VSNL1: variants seen among roughly 807,000 people sequenced by gnomAD.
VSNL1 encodes the protein visinin like 1, also known as visinin-like protein 1.
In VSNL1, 6 loss-of-function variants were observed where a neutral mutation model predicts 20.4. The observed-to-expected ratio is 0.29, with a 90% CI of 0.16 to 0.58. The LOEUF is 0.58. Ranked by LOEUF, VSNL1 falls within the 20% of genes least tolerant of loss-of-function variation. The pLI, the probability that VSNL1 is intolerant of heterozygous loss-of-function variation, is 0.90. For missense variants in VSNL1, 100 were observed against 234.5 expected, an observed-to-expected ratio of 0.43 and a Z score of 3.75; for synonymous variants, 93 against 86.4, an observed-to-expected ratio of 1.08 and a Z score of -0.42.
At position 17,649,159 on chromosome 2, in the gene VSNL1, C is replaced by T. The variant is rs554620509; in HGVS notation, c.163-251C>T. Among the ~76,000 whole-genome samples, 2 of 152,244 alleles carry T rather than the reference C, an allele frequency of 1.3e-5. No individual in the cohort carries two copies. Among genetic ancestry groups the T allele is most frequent in the East Asian group, 3.9e-4 (2 of 5,162 alleles). On this transcript the variant is annotated intron_variant, in intron 2 of 3. Transcript: ENST00000295156. This position sits in a 1 kb window ranked among gnomAD's most constrained non-coding sequence, Gnocchi z 6.4. ...GGTGCTTGTTGACCGATTCCAAGCC[C>T]CATCAACTGAAAGCCACATGTCACC...
At chr2:17,645,668 G>A (rs1374602281) in intron 2 of VSNL1, among the ~76,000 whole-genome samples, 1 of 152,164 alleles carries the variant, frequency 6.6e-6, no homozygotes, top group Non-Finnish European at 1.5e-5. Flanking sequence ...TGAAAAGAAA[G>A]AAATGCAGAG....
At chr2:17,577,125 A>C (rs1664232614) in intron 1 of VSNL1, among the ~76,000 whole-genome samples, 1 of 152,236 alleles carries the variant, frequency 6.6e-6, no homozygotes, top group Admixed American at 6.5e-5. Context: ...AAATATATCT[A>C]AACATGGAAA....
chr2:17,576,359 A>C (rs1664213879), intron 1 of VSNL1, among the ~76,000 whole-genome samples: 1 of 152,250 alleles, frequency 6.6e-6, no homozygotes, highest in Non-Finnish European at 1.5e-5. Context: ...TATTAAAATG[A>C]AAATGCAATA....
chr2:17,579,283 T>C (rs1470595935), intron 1 of VSNL1, among the ~76,000 whole-genome samples: 1 of 152,062 alleles, frequency 6.6e-6, no homozygotes, highest in African/African-American at 2.4e-5. Context: ...GCCCGGCTAA[T>C]TTTTTGTGTT....
intron 2 of VSNL1, among the ~76,000 whole-genome samples, chr2:17,622,832 C>T (rs1003389150): frequency 2.0e-5 from 3 of 152,186 alleles, no homozygotes; most frequent in Non-Finnish European, 4.4e-5. Flanking sequence ...CCCAGGTCCC[C>T]ACACAGGAAC....
At chr2:17,605,394 T>C (rs1440110379) in intron 2 of VSNL1, among the ~76,000 whole-genome samples, 3 of 135,740 alleles carry the variant, frequency 2.2e-5, no homozygotes, top group Non-Finnish European at 3.4e-5. Context: ...CACCACTGCT[T>C]CTATGTGAAA....
At position 17,649,330 on chromosome 2, in the gene VSNL1, G is replaced by A. The variant is rs953032220; in HGVS notation, c.163-80G>A. The A allele has an allele frequency of 1.6e-5, 23 of 1,406,200 alleles. No homozygotes were observed. The highest frequency in any genetic ancestry group is 1.8e-4 in the Middle Eastern group (1 of 5,492). The allele number at this position is 1,406,200 out of a possible 1,614,324, so 87.1% of individuals were successfully genotyped here. A position where few individuals can be genotyped will look rare whatever the true frequency, so the allele number is the denominator to read the frequency against. Reference sequence around the variant, plus strand: ...TCCGACAACGCCCAGGAGCACCTGTGATGCCGTCATTAGGAACCTACCTCG... The same window carrying A: ...TCCGACAACGCCCAGGAGCACCTGTAATGCCGTCATTAGGAACCTACCTCG... On this transcript the variant is annotated intron_variant, in intron 2 of 3. Coordinates refer to ENST00000295156, the MANE Select transcript of VSNL1 (RefSeq NM_003385.5). The surrounding 1 kb of genome is among the most constrained non-coding windows in gnomAD (Gnocchi z 6.4).
chr2:17,592,264 T>C, intron 2 of VSNL1, 28 bp downstream of exon 2: 1 of 1,611,176 alleles, frequency 6.2e-7, no homozygotes, highest in Non-Finnish European at 8.5e-7. Flanking sequence ...CTTGTTTTTA[T>C]TCCTTAGGCC....
intron 1 of VSNL1, among the ~76,000 whole-genome samples, chr2:17,579,138 C>G (rs1447934631): frequency 6.6e-6 from 1 of 150,826 alleles, no homozygotes; most frequent in Non-Finnish European, 1.5e-5. Flanking sequence ...TTTTTTGAGA[C>G]GGAGTCTCGC....
At chr2:17,622,609 G>T (rs959079831) in intron 2 of VSNL1, among the ~76,000 whole-genome samples, 1 of 138,484 alleles carries the variant, frequency 7.2e-6, no homozygotes. Context: ...AGAAAAGAAA[G>T]AAAGATCTTC....
intron 2 of VSNL1, among the ~76,000 whole-genome samples, chr2:17,610,449 T>A (rs1294164183): frequency 1.3e-5 from 2 of 152,008 alleles, no homozygotes; most frequent in Non-Finnish European, 2.9e-5. Context: ...TCAAGCCATA[T>A]CTGAATATAG....
At chr2:17,566,938 G>C (rs1184605013) in intron 1 of VSNL1, among the ~76,000 whole-genome samples, 2 of 152,064 alleles carry the variant, frequency 1.3e-5, no homozygotes, top group Non-Finnish European at 2.9e-5. Flanking sequence ...CAAATGTTTA[G>C]CTCTCTGTTC....
intron 2 of VSNL1, among the ~76,000 whole-genome samples, chr2:17,600,326 G>A (rs1042514951): frequency 1.3e-5 from 2 of 152,162 alleles, no homozygotes; most frequent in African/African-American, 4.8e-5. Flanking sequence ...AGGGTGGTGA[G>A]AGCAAAAGTG....
intron 1 of VSNL1, among the ~76,000 whole-genome samples, chr2:17,557,735 A>T (rs1663720106): frequency 6.6e-6 from 1 of 152,152 alleles, no homozygotes; most frequent in Non-Finnish European, 1.5e-5. Flanking sequence ...TTCCTCACTC[A>T]CAAGGCTCCA....
intron 3 of VSNL1, among the ~76,000 whole-genome samples, chr2:17,652,267 T>A (rs1373912997): frequency 6.6e-6 from 1 of 151,878 alleles, no homozygotes; most frequent in Non-Finnish European, 1.5e-5. Flanking sequence ...TGAGGCACAA[T>A]CAGTAAAGGA....
rs574345412 is a variant in VSNL1, at chr2:17,563,215, A to C, written c.-6+22297A>C. ...AAGCACCACTTACATGTGTTACATA[A>C]TGCATTATCCTCAGAGCAAAACCCA... is the stretch of plus-strand genomic sequence containing the variant. On this transcript the variant is annotated intron_variant, in intron 1 of 3. Transcript: ENST00000295156. Among the ~76,000 whole-genome samples, 30 of 152,344 alleles carry C rather than the reference A, an allele frequency of 2.0e-4. No individual in the cohort carries two copies. In the South Asian group the frequency reaches 5.8e-3, roughly 29 times the overall value.
intron 2 of VSNL1, among the ~76,000 whole-genome samples, chr2:17,648,771 G>A (rs532616930): frequency 3.5e-4 from 53 of 152,320 alleles, no homozygotes; most frequent in Admixed American, 9.1e-4. Context: ...CACCCCTGGT[G>A]ACAGTTGGCT....
At chr2:17,624,232 T>C (rs551210323) in intron 2 of VSNL1, among the ~76,000 whole-genome samples, 1 of 152,316 alleles carries the variant, frequency 6.6e-6, no homozygotes, top group East Asian at 1.9e-4. Context: ...AATGCCTGTG[T>C]GGACAGCTGG....
chr2:17,602,429 C>T (rs548166706), intron 2 of VSNL1, among the ~76,000 whole-genome samples: 2 of 152,176 alleles, frequency 1.3e-5, no homozygotes, highest in African/African-American at 2.4e-5. Context: ...GGCTATTTTA[C>T]GACCAACTTT....
Sources: gnomAD v4.1 joint callset for allele counts (sites outside exome capture counted in the v4.1 genomes callset) on GRCh38, gnomAD v4.1.1 for gene constraint, Gnocchi (gnomAD v3.1) non-coding constraint, MANE v1.5 for transcripts, NCBI Gene and HGNC (gene_info 2026-07-23, HGNC 2026-07-21) for gene names.